Variants in SYT1 observed in about 807,000 individuals in gnomAD.
SYT1 encodes the protein synaptotagmin 1.
In SYT1, 8 loss-of-function variants were observed where a neutral mutation model predicts 44.8. The observed-to-expected ratio is 0.18, with a 90% confidence interval of 0.10 to 0.32. The LOEUF is 0.32. SYT1 is among the 10% of genes least tolerant of loss of function. SYT1 has a pLI of 1.00. For synonymous variants in SYT1, 154 were observed against 188.8 expected, an observed-to-expected ratio of 0.82 and a Z score of 1.51; for missense variants, 286 against 509.3, an observed-to-expected ratio of 0.56 and a Z score of 4.22.
chr12:79,006,486 C>T (rs1461823007), intron 2 of SYT1, among the ~76,000 whole-genome samples: 1 of 152,026 alleles, frequency 6.6e-6, no homozygotes, highest in African/African-American at 2.4e-5. Context: ...AGAAACTGGT[C>T]ATGTTACTAA....
At chr12:79,369,676 AG>A (rs1462014968) in intron 9 of SYT1, among the ~76,000 whole-genome samples, 1 of 152,240 alleles carries the variant, frequency 6.6e-6, no homozygotes, top group Admixed American at 6.5e-5. Flanking sequence ...AATTACATAC[AG>A]TATGTAGATG....
chr12:78,902,416 A>G (rs957547749), intron 1 of SYT1, among the ~76,000 whole-genome samples: 10 of 152,072 alleles, frequency 6.6e-5, no homozygotes, highest in Admixed American at 3.9e-4. Context: ...TACCTTCCAC[A>G]TAGGGCAATA....
intron 3 of SYT1, among the ~76,000 whole-genome samples, chr12:79,117,595 A>G (rs1433765723): frequency 2.1e-5 from 3 of 146,048 alleles, no homozygotes; most frequent in Admixed American, 1.4e-4. Context: ...AGCTACAGAC[A>G]GCTCACCTGC....
intron 4 of SYT1, among the ~76,000 whole-genome samples, chr12:79,255,896 T>G (rs1877486928): frequency 6.6e-6 from 1 of 152,228 alleles, no homozygotes; most frequent in Non-Finnish European, 1.5e-5. Flanking sequence ...TCTGCCACAT[T>G]ATTAGACAGA....
intron 3 of SYT1, among the ~76,000 whole-genome samples, chr12:79,196,931 G>C (rs1474737823): frequency 2.6e-5 from 4 of 152,304 alleles, no homozygotes; most frequent in African/African-American, 9.6e-5. Context: ...CTGCTCTTCT[G>C]CAGATAGGCG....
intron 9 of SYT1, among the ~76,000 whole-genome samples, chr12:79,371,598 A>G (rs1883792896): frequency 6.6e-6 from 1 of 152,200 alleles, no homozygotes; most frequent in South Asian, 2.1e-4. Context: ...GTTCTATTCA[A>G]TGACTATAAA....
chr12:78,967,230 C>G (rs1592613655), intron 1 of SYT1, among the ~76,000 whole-genome samples: 4 of 152,210 alleles, frequency 2.6e-5, no homozygotes, highest in Admixed American at 2.6e-4. Context: ...ACGGCAAAAG[C>G]TGACATGTAT....
chr12:79,138,915 A>G (rs1592783878), intron 3 of SYT1, among the ~76,000 whole-genome samples: 1 of 152,378 alleles, frequency 6.6e-6, no homozygotes, highest in Non-Finnish European at 1.5e-5. Flanking sequence ...TTAAGGTGAA[A>G]TAAAAATTTA....
intron 3 of SYT1, among the ~76,000 whole-genome samples, chr12:79,058,422 C>A (rs372937591): frequency 1.3e-5 from 2 of 152,076 alleles, no homozygotes; most frequent in South Asian, 2.1e-4. Context: ...TTTCACACAG[C>A]CTTCTCTCTC....
intron 3 of SYT1, among the ~76,000 whole-genome samples, chr12:79,123,076 T>C (rs1047166074): frequency 1.3e-5 from 2 of 152,204 alleles, no homozygotes; most frequent in Non-Finnish European, 2.9e-5. Context: ...TCAGTTATGA[T>C]GGAAAGAATA....
At position 79,248,344 on chromosome 12, in the gene SYT1, A is replaced by T. The variant is rs1317518822; in HGVS notation, c.166+30659A>T. On this transcript the variant is annotated intron_variant, in intron 4 of 10. Transcript: ENST00000261205. ...AAACTAGGACTCAACAGACGGAGAG[A>T]TTGGGTTGTGCAGGTGATGGAGAAC... Among the ~76,000 whole-genome samples, 3 of 152,176 alleles carry T rather than the reference A, an allele frequency of 2.0e-5. No homozygotes were observed. In the South Asian group the frequency reaches 6.2e-4, roughly 31 times the overall value.
chr12:79,382,065 T>C (rs1421192560), intron 9 of SYT1, among the ~76,000 whole-genome samples: 1 of 152,122 alleles, frequency 6.6e-6, no homozygotes, highest in Non-Finnish European at 1.5e-5. Context: ...AAGACCATTT[T>C]AGTCAACGTG....
intron 4 of SYT1, among the ~76,000 whole-genome samples, chr12:79,273,659 G>A (rs1299195707): frequency 2.0e-5 from 3 of 152,176 alleles, no homozygotes; most frequent in Non-Finnish European, 2.9e-5. Flanking sequence ...GATATGAGGA[G>A]CGGCATCAGG....
intron 1 of SYT1, among the ~76,000 whole-genome samples, chr12:78,901,119 C>G (rs1875638635): frequency 6.6e-6 from 1 of 150,530 alleles, no homozygotes; most frequent in Non-Finnish European, 1.5e-5. Context: ...TCCATTGCTT[C>G]TCTAACCAGA....
At chr12:79,051,858 G>C (rs1325468062) in intron 3 of SYT1, among the ~76,000 whole-genome samples, 5 of 151,968 alleles carry the variant, frequency 3.3e-5, no homozygotes, top group Admixed American at 2.0e-4. Flanking sequence ...CATTATTTCT[G>C]AGGGCTCTGT....
At chr12:79,208,754 A>G (rs1874268250) in intron 3 of SYT1, among the ~76,000 whole-genome samples, 1 of 152,184 alleles carries the variant, frequency 6.6e-6, no homozygotes, top group Non-Finnish European at 1.5e-5. Flanking sequence ...TAACACCTCT[A>G]CACACCTCTT....
chr12:78,927,640 C>T (rs1039913790), intron 1 of SYT1, among the ~76,000 whole-genome samples: 3 of 152,006 alleles, frequency 2.0e-5, no homozygotes, highest in African/African-American at 4.8e-5. Context: ...ACTTTATTTT[C>T]CTTCTTTAGA....
chr12:79,070,863 G>C (rs1461579112), intron 3 of SYT1, among the ~76,000 whole-genome samples: 2 of 151,968 alleles, frequency 1.3e-5, no homozygotes, highest in African/African-American at 4.8e-5. Flanking sequence ...GGTGCCCTCT[G>C]AATCTGAAAT....
chr12:79,217,993 G>T (rs1874918969), intron 4 of SYT1, among the ~76,000 whole-genome samples: 1 of 151,654 alleles, frequency 6.6e-6, no homozygotes, highest in Non-Finnish European at 1.5e-5. Flanking sequence ...TATGGGTTCT[G>T]TTATATTTAT....
Sources: allele counts gnomAD v4.1 joint callset (sites outside exome capture counted in the v4.1 genomes callset), GRCh38; gene constraint gnomAD v4.1.1; transcripts MANE v1.5; gene names NCBI Gene and HGNC (gene_info 2026-07-23, HGNC 2026-07-21).